Variants in MLPH observed in about 807,000 individuals in gnomAD.
MLPH encodes the protein melanophilin, also known as exophilin-3.
A neutral mutation model predicts 72.1 loss-of-function variants in MLPH; 51 were observed. That is an observed-to-expected ratio of 0.71 (90% CI 0.56 to 0.89). The LOEUF (loss-of-function observed/expected upper bound fraction) is 0.89. MLPH is among the 40% of genes least tolerant of loss of function. The pLI is 0.00. For missense variants in MLPH, 743 were observed against 759.9 expected (o/e 0.98, Z 0.26); for synonymous variants, 301 against 310.1 (o/e 0.97, Z 0.31).
At chr2:237,535,290 A>G (rs2080508360) in intron 9 of MLPH, among the ~76,000 whole-genome samples, 1 of 152,078 alleles carries the variant, frequency 6.6e-6, no homozygotes, top group Non-Finnish European at 1.5e-5. Context: ...TCCTTCAATA[A>G]TGATATTAAT....
chr2:237,540,937 G>A lies in MLPH; in HGVS notation c.1426G>A (p.Val476Ile), dbSNP rs1559370855. The change falls in exon 11 of 16, where the codon GTC (valine) becomes ATC (isoleucine). Residue 476 changes from valine (V) to isoleucine (I), a missense_variant. By Grantham distance (29) the Val-to-Ile change is conservative (BLOSUM62 3). Coordinates refer to ENST00000264605, the MANE Select transcript of MLPH (RefSeq NM_024101.7). ...EDRVAVTASE[V>I]QQAESEVSDI... is the part of the protein sequence containing the mutation. ...CAGAGTGGCAGTGACGGCCTCAGAA[G>A]TCCAGCAGGCAGAGAGCGAGGTAGC... 10 of 1,608,580 alleles carry A rather than the reference G, an allele frequency of 6.2e-6. No individual in the cohort carries two copies. Among genetic ancestry groups the A allele is most frequent in the Non-Finnish European group, 8.5e-6 (10 of 1,178,070 alleles).
At chr2:237,497,066 C>T (rs1045620341) in intron 2 of MLPH, among the ~76,000 whole-genome samples, 1 of 152,200 alleles carries the variant, frequency 6.6e-6, no homozygotes, top group Non-Finnish European at 1.5e-5. Context: ...CAGGATGAAG[C>T]TGTTCCACCT....
chr2:237,494,201 G>A (rs1003869629), intron 2 of MLPH, among the ~76,000 whole-genome samples: 2 of 152,168 alleles, frequency 1.3e-5, no homozygotes, highest in Non-Finnish European at 2.9e-5. Context: ...GAGAGCAGAG[G>A]ACAGAGGGCA....
intron 14 of MLPH, chr2:237,551,937 C>A: frequency 5.6e-6 from 1 of 178,614 alleles, no homozygotes; most frequent in Non-Finnish European, 1.2e-5. Flanking sequence ...AAGATTGCGC[C>A]ACAGCACTCC....
intron 2 of MLPH, among the ~76,000 whole-genome samples, chr2:237,503,353 C>T (rs2079693680): frequency 6.6e-6 from 1 of 152,140 alleles, no homozygotes; most frequent in Non-Finnish European, 1.5e-5. Context: ...GTTCTCACAT[C>T]ACCACTCACT....
At chr2:237,496,555 G>C (rs1238139175) in intron 2 of MLPH, among the ~76,000 whole-genome samples, 1 of 152,246 alleles carries the variant, frequency 6.6e-6, no homozygotes, top group Non-Finnish European at 1.5e-5. Context: ...TCTTAGGAAA[G>C]GACTTTTGTA....
At chr2:237,525,336 G>C (rs531973444) in intron 6 of MLPH, among the ~76,000 whole-genome samples, 4 of 152,320 alleles carry the variant, frequency 2.6e-5, no homozygotes, top group Non-Finnish European at 5.9e-5. Flanking sequence ...TGTCATGCCT[G>C]GCCCAGGGTG....
chr2:237,549,192 G>T, intron 13 of MLPH, 29 bp from the exon 14 acceptor site: 1 of 1,608,102 alleles, frequency 6.2e-7, no homozygotes, highest in South Asian at 1.1e-5. Flanking sequence ...ACAACTTGAT[G>T]AAGCCTGGAG....
intron 9 of MLPH, among the ~76,000 whole-genome samples, chr2:237,536,738 C>T (rs143474363): frequency 9.6e-4 from 146 of 152,318 alleles, no homozygotes; most frequent in African/African-American, 3.3e-3. Context: ...ACCTCCTTCA[C>T]CCCCTTCCTG....
chr2:237,495,815 C>T (rs1019996093), intron 2 of MLPH, among the ~76,000 whole-genome samples: 2 of 152,182 alleles, frequency 1.3e-5, no homozygotes, highest in African/African-American at 4.8e-5. Flanking sequence ...CCACGACCAC[C>T]TTCTCAAAGC....
chr2:237,553,427 G>C, intron 15 of MLPH, 139 bp from the exon 16 acceptor site: 1 of 841,868 alleles, frequency 1.2e-6, no homozygotes, highest in Admixed American at 2.0e-5. Context: ...GTGCACAAAC[G>C]TGTAATCTAA....
At chr2:237,532,446 G>A (rs988894565) in intron 8 of MLPH, among the ~76,000 whole-genome samples, 2 of 152,230 alleles carry the variant, frequency 1.3e-5, no homozygotes, top group African/African-American at 2.4e-5. Flanking sequence ...GAGAGGAAAC[G>A]GCCCTGGCAC....
At chr2:237,500,771 T>C (rs1321454045) in intron 2 of MLPH, among the ~76,000 whole-genome samples, 1 of 151,860 alleles carries the variant, frequency 6.6e-6, no homozygotes, top group East Asian at 1.9e-4. Context: ...GCTCCTTCCC[T>C]CTCACCCCAC....
Position 237,549,233 on chromosome 2 carries a change from C to A in MLPH, c.1630C>A (p.Pro544Thr). ...CTGTTTCTTCTAGGCAATGGCTGTG[C>A]CCTATCTTCTGAGAAGAAAGTTCAG... The part of the protein sequence containing the change: ...PSSEAKAMAV[P>T]YLLRRKFSNS... The change falls in exon 14 of 16, where the codon CCC (proline) becomes ACC (threonine). Residue 544 changes from proline (P) to threonine (T), a missense_variant. Transcript: ENST00000264605. 6.2e-7 allele frequency: 1 copy of A among 1,614,124 alleles called. No homozygotes were observed. Among genetic ancestry groups the A allele is most frequent in the Non-Finnish European group, 8.5e-7 (1 of 1,179,976 alleles).
intron 8 of MLPH, among the ~76,000 whole-genome samples, chr2:237,529,768 C>T (rs976580351): frequency 1.3e-5 from 2 of 152,216 alleles, no homozygotes; most frequent in African/African-American, 4.8e-5. Context: ...TTCACCAAGG[C>T]TGGTCTCAGG....
chr2:237,503,103 A>G (rs2079686681), intron 2 of MLPH, among the ~76,000 whole-genome samples: 1 of 152,220 alleles, frequency 6.6e-6, no homozygotes, highest in East Asian at 1.9e-4. Context: ...TGGGCAGCAG[A>G]GCGAAATTCC....
intron 4 of MLPH, among the ~76,000 whole-genome samples, chr2:237,515,535 A>G (rs1185722344): frequency 2.6e-5 from 4 of 152,204 alleles, no homozygotes; most frequent in African/African-American, 7.2e-5. Context: ...AGTCAGGGAA[A>G]TGTCTAAAAC....
intron 4 of MLPH, chr2:237,511,383 G>C (rs2079900904): frequency 4.8e-6 from 2 of 417,410 alleles, no homozygotes; most frequent in Non-Finnish European, 8.9e-6. Flanking sequence ...AAGTGCTGGG[G>C]TTATAAGTGT....
intron 2 of MLPH, among the ~76,000 whole-genome samples, chr2:237,507,613 C>T (rs547962372): frequency 6.6e-6 from 1 of 152,326 alleles, no homozygotes; most frequent in South Asian, 2.1e-4. Context: ...CTGTTACTCT[C>T]ACCAGCGATC....
Sources: allele counts gnomAD v4.1 joint callset (sites outside exome capture counted in the v4.1 genomes callset), GRCh38; gene constraint gnomAD v4.1.1; transcripts MANE v1.5; gene names NCBI Gene and HGNC (gene_info 2026-07-23, HGNC 2026-07-21).